The following MRTFB variants were observed in gnomAD, a reference collection of about 807,000 sequenced individuals.
MRTFB encodes the protein myocardin related transcription factor B.
A neutral mutation model predicts 104.2 loss-of-function variants in MRTFB; 29 were observed. The observed-to-expected ratio is 0.28, with a 90% CI of 0.21 to 0.38. The LOEUF is 0.38. Among genes scored for constraint, MRTFB ranks in the 10% least tolerant of loss-of-function variants. The pLI is 1.00. For missense variants in MRTFB, 1,270 were observed against 1,341.6 expected, an observed-to-expected ratio of 0.95 and a Z score of 0.83; for synonymous variants, 535 against 519.5, an observed-to-expected ratio of 1.03 and a Z score of -0.41.
intron 3 of MRTFB, chr16:14,200,590 G>A: frequency 6.3e-7 from 1 of 1,597,956 alleles, no homozygotes; most frequent in African/African-American, 1.3e-5. Flanking sequence ...TTTGGGCAGT[G>A]AAGAATATCA....
chr16:14,019,921 T>G, the MRTFB span, among the ~76,000 whole-genome samples: 1 of 152,124 alleles, frequency 6.6e-6, no homozygotes, highest in Non-Finnish European at 1.5e-5. Context: ...GAAACATCAG[T>G]CTTAATTGAT....
chr16:14,190,865 T>TG (rs2040150587), intron 3 of MRTFB, among the ~76,000 whole-genome samples: 2 of 152,166 alleles, frequency 1.3e-5, no homozygotes, highest in African/African-American at 4.8e-5. Context: ...AGTTACAGAC[T>TG]TGGGGGGCCA....
At position 14,177,706 on chromosome 16, in the gene MRTFB, C is replaced by A. The variant is rs576751923; in HGVS notation, c.155-32537C>A. On this transcript the variant is annotated intron_variant, in intron 3 of 16. Transcript: ENST00000571589. The surrounding 1 kb of genome is among the most constrained non-coding windows in gnomAD (Gnocchi z 4.7). ...GGCATGGTGGCATGAGCCTGTAGAC[C>A]CAGCTACTGGGGAGGCTGAAGAGGG... is the stretch of plus-strand genomic sequence containing the variant. 6.6e-6 allele frequency among the ~76,000 whole-genome samples: 1 copy of A among 151,752 alleles called. No individual in the cohort carries two copies. The highest frequency in any genetic ancestry group is 1.9e-4 in the East Asian group (1 of 5,176).
intron 3 of MRTFB, among the ~76,000 whole-genome samples, chr16:14,204,202 C>T (rs1315023072): frequency 1.3e-5 from 2 of 152,050 alleles, no homozygotes; most frequent in Non-Finnish European, 1.5e-5. Flanking sequence ...TCTCAAACTC[C>T]TGGTCTCAAG....
rs183037641 is a variant in MRTFB at position 14,191,543 on chromosome 16, A to G, written c.155-18700A>G. Among the ~76,000 whole-genome samples, 3 of 152,284 alleles carry G rather than the reference A, an allele frequency of 2.0e-5. No individual in the cohort carries two copies. In the East Asian group the frequency reaches 5.8e-4, roughly 29 times the overall value. On this transcript the variant is annotated intron_variant, in intron 3 of 16. Transcript: ENST00000571589. Reference sequence around the variant, plus strand: ...CTATTAGCCCCATAATATTTCTTGGAGAAAGAATTGTTGTCTGGCCTGTTT... The same window carrying G: ...CTATTAGCCCCATAATATTTCTTGGGGAAAGAATTGTTGTCTGGCCTGTTT...
chr16:14,073,821 G>A (rs767441054), intron 1 of MRTFB, among the ~76,000 whole-genome samples: 4 of 152,138 alleles, frequency 2.6e-5, no homozygotes, highest in African/African-American at 9.7e-5. Context: ...TGTATTCAAA[G>A]GTAAAACTTA....
chr16:14,145,485 C>G (rs1329633632), intron 3 of MRTFB, among the ~76,000 whole-genome samples: 1 of 152,140 alleles, frequency 6.6e-6, no homozygotes, highest in East Asian at 1.9e-4. Context: ...CATTCATATT[C>G]ATGTTACTGA....
At chr16:14,134,582 C>T (rs1018038434) in intron 2 of MRTFB, among the ~76,000 whole-genome samples, 4 of 152,228 alleles carry the variant, frequency 2.6e-5, no homozygotes, top group African/African-American at 9.6e-5. Context: ...GAGCAGGGAT[C>T]ATGATTGGTT....
the MRTFB span, among the ~76,000 whole-genome samples, chr16:14,054,376 C>G: frequency 1.3e-5 from 2 of 152,108 alleles, no homozygotes; most frequent in African/African-American, 4.8e-5. Flanking sequence ...GCCACCACGT[C>G]TGGCTAATTT....
intron 2 of MRTFB, among the ~76,000 whole-genome samples, chr16:14,102,596 T>G (rs2035761299): frequency 6.6e-6 from 1 of 152,224 alleles, no homozygotes; most frequent in Non-Finnish European, 1.5e-5. Flanking sequence ...CATCTACGTT[T>G]AGACTTACAG....
intron 8 of MRTFB, among the ~76,000 whole-genome samples, chr16:14,226,080 G>C (rs1334863439): frequency 1.3e-5 from 2 of 152,112 alleles, no homozygotes; most frequent in Non-Finnish European, 2.9e-5. Flanking sequence ...TCAAAACAAG[G>C]CACTACAAAG....
At chr16:14,203,921 C>T (rs1382853625) in intron 3 of MRTFB, among the ~76,000 whole-genome samples, 1 of 151,170 alleles carries the variant, frequency 6.6e-6, no homozygotes, top group African/African-American at 2.4e-5. Flanking sequence ...ATAAGTATCA[C>T]ATGAAAGAAG....
the MRTFB span, among the ~76,000 whole-genome samples, chr16:14,042,865 C>G: frequency 1.3e-5 from 2 of 152,140 alleles, no homozygotes; most frequent in Admixed American, 1.3e-4. Context: ...GAAATGTGTG[C>G]CCAGAAGATT....
intron 2 of MRTFB, among the ~76,000 whole-genome samples, chr16:14,129,048 T>A (rs1413657151): frequency 1.3e-5 from 2 of 152,258 alleles, no homozygotes; most frequent in African/African-American, 4.8e-5. Flanking sequence ...TCACTTAGCA[T>A]AATGCGTTTG....
At chr16:14,198,494 C>T (rs1238121835) in intron 3 of MRTFB, among the ~76,000 whole-genome samples, 1 of 152,226 alleles carries the variant, frequency 6.6e-6, no homozygotes, top group East Asian at 1.9e-4. Context: ...CCATTTAGAG[C>T]CAGTGAATAA....
the MRTFB span, chr16:14,015,793 C>T: frequency 2.5e-6 from 1 of 397,464 alleles, no homozygotes; most frequent in Non-Finnish European, 4.4e-6. Flanking sequence ...CTCACTCCCT[C>T]CTGTCTTCAC....
intron 2 of MRTFB, among the ~76,000 whole-genome samples, chr16:14,098,694 A>C (rs2035531138): frequency 1.3e-5 from 2 of 152,168 alleles, no homozygotes; most frequent in Non-Finnish European, 2.9e-5. Context: ...TTGGGTTTAC[A>C]CTTTGGTATA....
chr16:14,168,129 C>G (rs541525202), intron 3 of MRTFB, among the ~76,000 whole-genome samples: 1 of 152,028 alleles, frequency 6.6e-6, no homozygotes, highest in South Asian at 2.1e-4. Context: ...CAGGTTTGTC[C>G]AAGATCAGAT....
chr16:14,081,434 A>T (rs1418143763), intron 2 of MRTFB, among the ~76,000 whole-genome samples: 2 of 152,014 alleles, frequency 1.3e-5, no homozygotes, highest in Admixed American at 6.6e-5. Flanking sequence ...CTGGGATTAC[A>T]GGCATCCGCC....
Sources: allele counts gnomAD v4.1 joint callset (sites outside exome capture counted in the v4.1 genomes callset), GRCh38; gene constraint gnomAD v4.1.1; non-coding constraint Gnocchi (gnomAD v3.1); transcripts MANE v1.5; gene names NCBI Gene and HGNC (gene_info 2026-07-23, HGNC 2026-07-21).